ABHD3: variants seen among roughly 807,000 people sequenced by gnomAD.
ABHD3 encodes the protein phospholipase ABHD3.
In ABHD3, 46 loss-of-function variants were observed where a neutral mutation model predicts 48.8. The ratio of observed to expected loss-of-function variants is 0.94; its 90% CI spans 0.74 to 1.20. ABHD3 has a LOEUF of 1.20. Among genes scored for constraint, ABHD3 ranks in the 50% most tolerant of loss-of-function variants. The pLI is 0.00. For synonymous variants in ABHD3, 192 were observed against 183.7 expected, an observed-to-expected ratio of 1.04 and a Z score of -0.36; for missense variants, 490 against 497.8, an observed-to-expected ratio of 0.98 and a Z score of 0.15.
At chr18:21,703,514 G>C in intron 2 of ABHD3, 70 bp downstream of exon 2, 1 of 1,545,884 alleles carries the variant, frequency 6.5e-7, no homozygotes, top group Non-Finnish European at 8.9e-7. Flanking sequence ...CCAAGAACTG[G>C]GAATAAGCAA....
At chr18:21,678,361 T>C (rs1266027668) in intron 4 of ABHD3, among the ~76,000 whole-genome samples, 1 of 152,174 alleles carries the variant, frequency 6.6e-6, no homozygotes, top group Admixed American at 6.5e-5. Flanking sequence ...TTTTCCAAAG[T>C]GGCTAGGATG....
intron 8 of ABHD3, among the ~76,000 whole-genome samples, chr18:21,655,772 G>A (rs535893986): frequency 1.9e-4 from 28 of 151,228 alleles, no homozygotes; most frequent in Admixed American, 9.2e-4. Context: ...CTCGGGAGGC[G>A]TGAGCCGAGA....
rs558764283 is a variant in ABHD3, at chr18:21,684,586, G to A, written c.510-621C>T. Among the ~76,000 whole-genome samples, 352 of 152,138 alleles carry A rather than the reference G, an allele frequency of 2.3e-3. 2 individuals are homozygous for A. The highest frequency in any genetic ancestry group is 4.3e-3 in the Non-Finnish European group (289 of 68,000). ...GATACGCCCACCTCGGCCTCCCAAAGTGCTGGGATTACAGGCGTGAGCCAC... is the reference window on the plus strand; with the variant it reads ...GATACGCCCACCTCGGCCTCCCAAAATGCTGGGATTACAGGCGTGAGCCAC... On this transcript the variant is annotated intron_variant, in intron 3 of 8. Transcript: ENST00000289119.
chr18:21,668,649 T>C (rs2039691220), intron 4 of ABHD3, among the ~76,000 whole-genome samples: 1 of 152,204 alleles, frequency 6.6e-6, no homozygotes, highest in Non-Finnish European at 1.5e-5. Flanking sequence ...AATAAGAACC[T>C]AATTCTTGTA....
chr18:21,684,624 TG>T (rs1389346997), intron 3 of ABHD3, among the ~76,000 whole-genome samples: 1 of 152,228 alleles, frequency 6.6e-6, no homozygotes, highest in Middle Eastern at 3.4e-3. Flanking sequence ...CGTCTGGCCT[TG>T]TTTTTGCTTT....
intron 3 of ABHD3, among the ~76,000 whole-genome samples, chr18:21,688,264 T>C (rs1332859855): frequency 1.3e-5 from 2 of 152,204 alleles, no homozygotes; most frequent in Admixed American, 6.5e-5. Flanking sequence ...TCAGGCAATC[T>C]GAAATATTTC....
chr18:21,663,299 G>A (rs2039544397), intron 5 of ABHD3, among the ~76,000 whole-genome samples: 1 of 151,898 alleles, frequency 6.6e-6, no homozygotes, highest in African/African-American at 2.4e-5. Context: ...TGAAATGACA[G>A]ATAAACCAAT....
chr18:21,671,278 C>T (rs2039752182), intron 4 of ABHD3, among the ~76,000 whole-genome samples: 3 of 152,120 alleles, frequency 2.0e-5, no homozygotes, highest in Non-Finnish European at 4.4e-5. Context: ...CAGCCGCTTG[C>T]TGCTTGATGG....
chr18:21,685,537 T>C (rs1481017001), intron 3 of ABHD3, among the ~76,000 whole-genome samples: 1 of 152,234 alleles, frequency 6.6e-6, no homozygotes, highest in Admixed American at 6.5e-5. Flanking sequence ...ATAAATCTTT[T>C]TGTTTTTTGA....
intron 3 of ABHD3, among the ~76,000 whole-genome samples, chr18:21,695,819 G>C (rs1263254730): frequency 6.6e-6 from 1 of 152,090 alleles, no homozygotes; most frequent in Non-Finnish European, 1.5e-5. Context: ...CCTTTCTGAT[G>C]TACATTTCCC....
In ABHD3 at chr18:21,651,662, A is replaced by C; in HGVS notation, c.1159T>G (p.Ser387Ala). Residue 387 changes from serine to alanine, a missense_variant, in exon 9 of 9, where the codon TCC becomes GCC. Ser to Ala is a moderately conservative substitution (Grantham distance 99). Coordinates refer to ENST00000289119, the MANE Select transcript of ABHD3 (RefSeq NM_138340.5). ...GFLEGIWPRQ[S>A]TYMDRVFKQF... ...TTGAAGACACGATCCATGTAAGTGG[A>C]CTGTCTTGGCCAGATTCCCTCCAGA... 1 of 1,614,026 alleles carries C rather than the reference A, an allele frequency of 6.2e-7. No homozygotes were observed. The highest frequency in any genetic ancestry group is 8.5e-7 in the Non-Finnish European group (1 of 1,179,962).
At chr18:21,684,939 G>C (rs1253682203) in intron 3 of ABHD3, among the ~76,000 whole-genome samples, 1 of 152,208 alleles carries the variant, frequency 6.6e-6, no homozygotes, top group Non-Finnish European at 1.5e-5. Flanking sequence ...AAAGGGTTTA[G>C]ATCAATGTTG....
At position 21,702,387 on chromosome 18, in the gene ABHD3, A is replaced by G; in HGVS notation, c.438T>C (p.Pro146=). ...ASTRPTILLL[P]GLTGTSKESY... ...ACTCCTTGCTTGTTCCCGTGAGGCC[A>G]GGCAACAATAAGATAGTAGGTCTGG... The change falls in exon 3 of 9, where the codon CCT becomes CCC. Residue 146 remains proline, a synonymous_variant. Coordinates refer to ENST00000289119, the MANE Select transcript of ABHD3 (RefSeq NM_138340.5). 3.1e-6 allele frequency: 5 copies of G among 1,614,054 alleles called. No homozygotes were observed. Among genetic ancestry groups the G allele is most frequent in the Non-Finnish European group, 4.2e-6 (5 of 1,179,916 alleles).
At chr18:21,665,481 C>G (rs943077534) in intron 4 of ABHD3, among the ~76,000 whole-genome samples, 11 of 151,946 alleles carry the variant, frequency 7.2e-5, no homozygotes, top group African/African-American at 2.7e-4. Context: ...TTTAAGTAAT[C>G]CTCCCATCTT....
intron 8 of ABHD3, among the ~76,000 whole-genome samples, chr18:21,655,649 G>A (rs1309087177): frequency 1.3e-5 from 2 of 152,068 alleles, no homozygotes; most frequent in East Asian, 3.9e-4. Flanking sequence ...AGAGCAGCCT[G>A]GCCAACATGG....
intron 4 of ABHD3, among the ~76,000 whole-genome samples, chr18:21,666,861 T>C (rs2039643872): frequency 6.6e-6 from 1 of 152,128 alleles, no homozygotes; most frequent in African/African-American, 2.4e-5. Flanking sequence ...CTCGGTAGAA[T>C]ATATGTGAGT....
rs757235707 is a variant in ABHD3, at chr18:21,657,172, G to C, written c.843-20C>G. 1.3e-6 allele frequency: 2 copies of C among 1,587,896 alleles called. No homozygotes were observed. Among genetic ancestry groups the C allele is most frequent in the African/African-American group, 2.7e-5 (2 of 73,728 alleles). On this transcript the variant is annotated intron_variant, in intron 6 of 8. Transcript: ENST00000289119. ...CGGTGCCTGGAACAAAAGAATTTCG[G>C]AAGTAAAAATCAAGATCATTCCTAC...
chr18:21,654,862 AAT>A (rs1357204091), intron 8 of ABHD3: 5 of 152,250 alleles, frequency 3.3e-5, no homozygotes, highest in African/African-American at 1.2e-4. Context: ...AATAGGAAAT[AAT>A]GAGTTCAAAC....
chr18:21,677,802 G>T (rs988823258), intron 4 of ABHD3, among the ~76,000 whole-genome samples: 11 of 151,748 alleles, frequency 7.2e-5, no homozygotes, highest in Non-Finnish European at 2.9e-5. Flanking sequence ...CCCTGCCTCA[G>T]CCTCCTGAGT....
Sources: allele counts gnomAD v4.1 joint callset (sites outside exome capture counted in the v4.1 genomes callset), GRCh38; gene constraint gnomAD v4.1.1; transcripts MANE v1.5; gene names NCBI Gene and HGNC (gene_info 2026-07-23, HGNC 2026-07-21).